AGAP1: variants seen among roughly 807,000 people sequenced by gnomAD.
The protein encoded by AGAP1 is ArfGAP with GTPase domain, ankyrin repeat and PH domain 1.
Under a neutral mutation model 105.3 loss-of-function variants are expected in AGAP1, and 29 were observed. The ratio of observed to expected loss-of-function variants is 0.28; its 90% CI spans 0.21 to 0.38. The LOEUF is 0.38. Among genes scored for constraint, AGAP1 ranks in the 10% least tolerant of loss-of-function variants. AGAP1 has a pLI of 1.00. For missense variants in AGAP1, 998 were observed against 1,165.1 expected (o/e 0.86, Z 2.09); for synonymous variants, 509 against 485.9 (o/e 1.05, Z -0.63).
chr2:235,514,335 C>G (rs371789965), intron 1 of AGAP1, among the ~76,000 whole-genome samples: 14 of 152,376 alleles, frequency 9.2e-5, no homozygotes, highest in African/African-American at 3.1e-4. Flanking sequence ...GTTGAAATTC[C>G]TTGGCCTCAC....
chr2:235,597,289 G>T (rs768691559), intron 1 of AGAP1, among the ~76,000 whole-genome samples: 26 of 152,330 alleles, frequency 1.7e-4, no homozygotes, highest in Non-Finnish European at 2.9e-4. Context: ...AGTGAATGTT[G>T]TGTGCTCAGG....
intron 1 of AGAP1, among the ~76,000 whole-genome samples, chr2:235,667,853 G>A (rs1948176221): frequency 1.3e-5 from 2 of 151,134 alleles, no homozygotes; most frequent in Non-Finnish European, 2.9e-5. Context: ...CAGCTACTCA[G>A]GAGGCTGAGA....
At chr2:235,778,039 T>G (rs1375536344) in intron 6 of AGAP1, among the ~76,000 whole-genome samples, 1 of 152,118 alleles carries the variant, frequency 6.6e-6, no homozygotes, top group East Asian at 1.9e-4. Flanking sequence ...GCACTCACAT[T>G]TCTGGCCACT....
At chr2:235,876,846 C>CT (rs34849687) in intron 9 of AGAP1, among the ~76,000 whole-genome samples, 9,881 of 131,434 alleles carry the variant, frequency 0.075, 1,151 homozygotes, top group African/African-American at 0.24. Flanking sequence ...GGTGTGGAAC[C>CT]TTTTTTTTTT....
rs1333702359 is a variant in AGAP1, at chr2:235,799,877, G to T, written c.957+355G>T. On this transcript the variant is annotated intron_variant, in intron 8 of 17. Transcript: ENST00000304032. The surrounding 1 kb of genome is among the most constrained non-coding windows in gnomAD (Gnocchi z 5.0). Reference sequence around the variant, plus strand: ...GATGTGTGTCTCTAACCGTTCAGATGATATATAAGCTATTACTGTCCACAG... The same window carrying T: ...GATGTGTGTCTCTAACCGTTCAGATTATATATAAGCTATTACTGTCCACAG... Among the ~76,000 whole-genome samples the T allele has an allele frequency of 1.3e-5, 2 of 152,096 alleles. No homozygotes were observed. The highest frequency in any genetic ancestry group is 2.9e-5 in the Non-Finnish European group (2 of 68,030).
intron 1 of AGAP1, among the ~76,000 whole-genome samples, chr2:235,580,731 C>T (rs941410674): frequency 6.6e-6 from 1 of 151,998 alleles, no homozygotes; most frequent in Non-Finnish European, 1.5e-5. Context: ...GACAGTGGCA[C>T]TTAGATGACA....
At chr2:236,007,489 C>T (rs1444747143) in intron 13 of AGAP1, among the ~76,000 whole-genome samples, 5 of 152,204 alleles carry the variant, frequency 3.3e-5, no homozygotes, top group Admixed American at 1.3e-4. Context: ...CCCTCAATTA[C>T]GGCCCTGCGT....
chr2:236,110,021 T>TG (rs931319621), intron 16 of AGAP1, among the ~76,000 whole-genome samples: 3 of 152,176 alleles, frequency 2.0e-5, no homozygotes, highest in African/African-American at 7.2e-5. Context: ...TTTCCTAATT[T>TG]GGGAGGCATC....
chr2:235,771,639 G>A (rs570032564), intron 6 of AGAP1, among the ~76,000 whole-genome samples: 50 of 152,288 alleles, frequency 3.3e-4, no homozygotes, highest in African/African-American at 1.1e-3. Flanking sequence ...AAGCTGAAGC[G>A]AGGAGAGGCT....
At chr2:235,802,718 GTGGTTGTGATGGTGA>G (rs1229952389) in intron 8 of AGAP1, among the ~76,000 whole-genome samples, 21 of 141,542 alleles carry the variant, frequency 1.5e-4, no homozygotes, top group Non-Finnish European at 2.8e-4. Flanking sequence ...AATGATGGTT[GTGGTTGTGATGGTGA>G]TGGTTGTGAT....
chr2:235,755,808 A>G (rs546307564), intron 6 of AGAP1, among the ~76,000 whole-genome samples: 2 of 152,186 alleles, frequency 1.3e-5, no homozygotes, highest in African/African-American at 2.4e-5. Context: ...AGTGGCAGCA[A>G]GCAGCTCTTC....
Position 236,035,510 on chromosome 2 carries a change from C to T in AGAP1, c.1646-1051C>T, listed in dbSNP as rs1218028421. Among the ~76,000 whole-genome samples, 1 of 152,092 alleles carries T rather than the reference C, an allele frequency of 6.6e-6. No homozygotes were observed. The highest frequency in any genetic ancestry group is 2.4e-5 in the African/African-American group (1 of 41,412). On this transcript the variant is annotated intron_variant, in intron 13 of 17. Transcript: ENST00000304032. The surrounding 1 kb of genome is among the most constrained non-coding windows in gnomAD (Gnocchi z 4.2). ...GGTGTGATGGTACACACCTGTAGTC[C>T]GAGCTACTCAGGAGGCGAAGGCAGG... is the stretch of plus-strand genomic sequence containing the variant.
chr2:235,698,565 G>A (rs1950108287), intron 1 of AGAP1, among the ~76,000 whole-genome samples: 2 of 152,168 alleles, frequency 1.3e-5, no homozygotes, highest in South Asian at 4.1e-4. Flanking sequence ...CATTTTAGGT[G>A]TTAAAATGTT....
At chr2:235,746,749 G>A (rs144299338) in intron 5 of AGAP1, among the ~76,000 whole-genome samples, 1 of 152,212 alleles carries the variant, frequency 6.6e-6, no homozygotes, top group Non-Finnish European at 1.5e-5. Flanking sequence ...CTTCGGGGCT[G>A]TGTGTGCAGA....
At chr2:235,809,382 A>G (rs894051160) in intron 9 of AGAP1, among the ~76,000 whole-genome samples, 11 of 152,166 alleles carry the variant, frequency 7.2e-5, no homozygotes, top group African/African-American at 2.7e-4. Context: ...ACTCCTGGGC[A>G]CAGGGAGCTC....
At chr2:235,816,265 C>G (rs1033236312) in intron 9 of AGAP1, among the ~76,000 whole-genome samples, 4 of 151,670 alleles carry the variant, frequency 2.6e-5, no homozygotes, top group African/African-American at 7.3e-5. Flanking sequence ...GTAAAACCCC[C>G]GTCTCTACTA....
intron 1 of AGAP1, among the ~76,000 whole-genome samples, chr2:235,684,919 G>A (rs1949298140): frequency 6.6e-6 from 1 of 151,514 alleles, no homozygotes; most frequent in Non-Finnish European, 1.5e-5. Flanking sequence ...TCCAATCTGG[G>A]ATGACTGTGG....
rs1423089208 is a variant in AGAP1 at position 235,614,927 on chromosome 2, C to A, written c.164-94252C>A. Among the ~76,000 whole-genome samples, 1 of 152,190 alleles carries A rather than the reference C, an allele frequency of 6.6e-6. No individual in the cohort carries two copies. The highest frequency in any genetic ancestry group is 1.9e-4 in the East Asian group (1 of 5,194). ...GTGATATTTTACAACAAATTTGGTT[C>A]ACTGGGGCCGACTTGAAAATAGTCA... On this transcript the variant is annotated intron_variant, in intron 1 of 17. Coordinates refer to ENST00000304032, the MANE Select transcript of AGAP1 (RefSeq NM_001037131.3). This position sits in a 1 kb window ranked among gnomAD's most constrained non-coding sequence, Gnocchi z 4.7.
chr2:235,655,858 G>A lies in AGAP1; in HGVS notation c.164-53321G>A, dbSNP rs1947753674. 6.6e-6 allele frequency among the ~76,000 whole-genome samples: 1 copy of A among 152,202 alleles called. No individual in the cohort carries two copies. The highest frequency in any genetic ancestry group is 2.4e-5 in the African/African-American group (1 of 41,438). ...TTTTAAGTGAGGCACCATCCTGGATGCTGGGGAAGAATCTTTGTTGGAATA... is the reference window on the plus strand; with the variant it reads ...TTTTAAGTGAGGCACCATCCTGGATACTGGGGAAGAATCTTTGTTGGAATA... On this transcript the variant is annotated intron_variant, in intron 1 of 17. Coordinates refer to ENST00000304032, the MANE Select transcript of AGAP1 (RefSeq NM_001037131.3). This position sits in a 1 kb window ranked among gnomAD's most constrained non-coding sequence, Gnocchi z 4.3.
Sources: allele counts gnomAD v4.1 joint callset (sites outside exome capture counted in the v4.1 genomes callset), GRCh38; gene constraint gnomAD v4.1.1; non-coding constraint Gnocchi (gnomAD v3.1); transcripts MANE v1.5; gene names NCBI Gene and HGNC (gene_info 2026-07-23, HGNC 2026-07-21).